UBAP1: variants seen among roughly 807,000 people sequenced by gnomAD.
The protein encoded by UBAP1 is ubiquitin associated protein 1, also known as ubiquitin-associated protein 1.
UBAP1 carries 5 observed loss-of-function variants against 39.0 expected under a neutral mutation model. The ratio of observed to expected loss-of-function variants is 0.13; its 90% CI spans 0.07 to 0.27. The LOEUF is 0.27. UBAP1 is among the 10% of genes least tolerant of loss of function. The pLI is 1.00. For missense variants in UBAP1, 490 were observed against 608.1 expected (o/e 0.81, Z 2.04); for synonymous variants, 211 against 225.1 (o/e 0.94, Z 0.56).
intron 2 of UBAP1, among the ~76,000 whole-genome samples, chr9:34,221,366 A>G (rs1352379252): frequency 6.6e-6 from 1 of 151,972 alleles, no homozygotes; most frequent in Non-Finnish European, 1.5e-5. Context: ...CGTCTCTACT[A>G]AAAATACAAA....
intron 1 of UBAP1, among the ~76,000 whole-genome samples, chr9:34,214,921 A>G (rs574501953): frequency 6.6e-6 from 1 of 152,326 alleles, no homozygotes; most frequent in African/African-American, 2.4e-5. Context: ...CAAAACCACA[A>G]TGTGATACCA....
intron 1 of UBAP1, among the ~76,000 whole-genome samples, chr9:34,196,054 T>C (rs962309400): frequency 2.9e-5 from 4 of 137,146 alleles, no homozygotes; most frequent in African/African-American, 1.1e-4. Flanking sequence ...TAGCTGCAAC[T>C]ACACAAACAC....
At chr9:34,187,520 A>G (rs760648808) in intron 1 of UBAP1, among the ~76,000 whole-genome samples, 1 of 152,194 alleles carries the variant, frequency 6.6e-6, no homozygotes, top group African/African-American at 2.4e-5. Flanking sequence ...TGATTTGACA[A>G]TGAGACCTTT....
At chr9:34,251,136 G>C (rs1273913603) in intron 6 of UBAP1, among the ~76,000 whole-genome samples, 1 of 152,216 alleles carries the variant, frequency 6.6e-6, no homozygotes, top group African/African-American at 2.4e-5. Flanking sequence ...GTGGGACCCA[G>C]ACAGAGCTCA....
At chr9:34,226,104 A>G (rs1293909401) in intron 2 of UBAP1, among the ~76,000 whole-genome samples, 7 of 36,510 alleles carry the variant, frequency 1.9e-4, no homozygotes, top group African/African-American at 1.1e-4. Context: ...CTCCTACTCT[A>G]TTGTGTGTGT....
At chr9:34,186,608 A>G (rs570282449) in intron 1 of UBAP1, among the ~76,000 whole-genome samples, 3 of 151,932 alleles carry the variant, frequency 2.0e-5, no homozygotes, top group Admixed American at 2.0e-4. Flanking sequence ...TTTTATCAGC[A>G]TTTCCTGAAG....
chr9:34,242,313 A>G (rs942002540), intron 4 of UBAP1, among the ~76,000 whole-genome samples: 2 of 151,790 alleles, frequency 1.3e-5, no homozygotes, highest in African/African-American at 2.4e-5. Context: ...CATCACACCT[A>G]ATTTTTGTGT....
At chr9:34,188,170 C>T (rs1463110531) in intron 1 of UBAP1, among the ~76,000 whole-genome samples, 1 of 149,702 alleles carries the variant, frequency 6.7e-6, no homozygotes, top group Non-Finnish European at 1.5e-5. Context: ...ACTACAAATA[C>T]TGTTTACAAC....
chr9:34,190,923 C>T (rs971653143), intron 1 of UBAP1, among the ~76,000 whole-genome samples: 1 of 151,052 alleles, frequency 6.6e-6, no homozygotes, highest in Non-Finnish European at 1.5e-5. Context: ...GTTGGAATTA[C>T]AGGTGTGAGT....
chr9:34,243,355 C>T (rs560833153), intron 4 of UBAP1, among the ~76,000 whole-genome samples: 40 of 152,296 alleles, frequency 2.6e-4, no homozygotes, highest in African/African-American at 7.5e-4. Context: ...ATTCTTTGAC[C>T]AGCCTGATGA....
chr9:34,181,122 T>TTTTTTTTTC lies in UBAP1; in HGVS notation c.-8+1890_-8+1891insCTTTTTTTT, dbSNP rs1393085383. On this transcript the variant is annotated intron_variant, in intron 1 of 6. Transcript: ENST00000297661. ...ACCGCACCCGGCCTGTTTTCTTTTT[T>TTTTTTTTTC]TTTTTTTTTTTGAGACAGAGTTTCG... 7.0e-5 allele frequency among the ~76,000 whole-genome samples: 8 copies of TTTTTTTTTC among 114,162 alleles called. No individual in the cohort carries two copies. In the East Asian group the frequency reaches 1.1e-3, roughly 16 times the overall value. 74.9% of individuals were successfully genotyped at this position (114,162 alleles called of 152,430 possible). A position where few individuals can be genotyped will look rare whatever the true frequency, so the allele number is the denominator to read the frequency against.
intron 2 of UBAP1, among the ~76,000 whole-genome samples, chr9:34,226,786 C>T (rs1380825186): frequency 2.0e-5 from 3 of 151,922 alleles, no homozygotes; most frequent in Admixed American, 1.3e-4. Flanking sequence ...ACTTCAAGTC[C>T]CAAGTCTTTC....
At chr9:34,207,632 G>A (rs1339986077) in intron 1 of UBAP1, among the ~76,000 whole-genome samples, 1 of 148,108 alleles carries the variant, frequency 6.8e-6, no homozygotes, top group Non-Finnish European at 1.5e-5. Flanking sequence ...TATGTTGTGT[G>A]TTTCTCTTAT....
chr9:34,188,423 C>CATTTTTTTTTTTTTTTTT (rs1261307130), intron 1 of UBAP1, among the ~76,000 whole-genome samples: 1 of 117,210 alleles, frequency 8.5e-6, no homozygotes, highest in African/African-American at 3.2e-5. Flanking sequence ...TAGTCTTCAG[C>CATTTTTTTTTTTTTTTTT]TTTTTTTTTT....
chr9:34,223,096 G>A (rs1362074410), intron 2 of UBAP1, among the ~76,000 whole-genome samples: 1 of 152,160 alleles, frequency 6.6e-6, no homozygotes, highest in Non-Finnish European at 1.5e-5. Flanking sequence ...TAATTCTGAA[G>A]GTGTCTGTTC....
intron 1 of UBAP1, among the ~76,000 whole-genome samples, chr9:34,196,676 C>T (rs1273093942): frequency 1.3e-5 from 2 of 151,742 alleles, no homozygotes; most frequent in Non-Finnish European, 2.9e-5. Context: ...AACTTTTGGC[C>T]TCAAGTGATC....
intron 2 of UBAP1, among the ~76,000 whole-genome samples, chr9:34,223,184 A>G (rs531445954): frequency 2.0e-5 from 3 of 152,270 alleles, no homozygotes; most frequent in South Asian, 4.1e-4. Context: ...TAATCCCAGC[A>G]CTTTGGGAGG....
intron 2 of UBAP1, among the ~76,000 whole-genome samples, chr9:34,225,945 A>G (rs1833027079): frequency 1.3e-5 from 2 of 152,086 alleles, no homozygotes. Flanking sequence ...CCCTCCTTAA[A>G]TCACTTTATC....
At chr9:34,184,548 G>A (rs777254034) in intron 1 of UBAP1, among the ~76,000 whole-genome samples, 6 of 148,836 alleles carry the variant, frequency 4.0e-5, no homozygotes, top group African/African-American at 1.2e-4. Context: ...GGAGAATGGC[G>A]TGAACCCGGG....
Sources: gnomAD v4.1 joint callset for allele counts (sites outside exome capture counted in the v4.1 genomes callset) on GRCh38, gnomAD v4.1.1 for gene constraint, MANE v1.5 for transcripts, NCBI Gene and HGNC (gene_info 2026-07-23, HGNC 2026-07-21) for gene names.